The following HTR4 variants were observed in gnomAD, a reference collection of about 807,000 sequenced individuals.
HTR4 encodes the protein 5-hydroxytryptamine receptor 4.
A neutral mutation model predicts 36.8 loss-of-function variants in HTR4; 16 were observed. The ratio of observed to expected loss-of-function variants is 0.43; its 90% CI spans 0.29 to 0.66. The LOEUF (loss-of-function observed/expected upper bound fraction) is 0.66. Ranked by LOEUF, HTR4 falls within the 30% of genes least tolerant of loss-of-function variation. HTR4 has a pLI of 0.13. For missense variants in HTR4, 438 were observed against 490.9 expected (o/e 0.89, Z 1.02); for synonymous variants, 189 against 185.1 (o/e 1.02, Z -0.17).
At chr5:148,637,848 T>C (rs1224266374) in intron 1 of HTR4, among the ~76,000 whole-genome samples, 1 of 152,178 alleles carries the variant, frequency 6.6e-6, no homozygotes. Context: ...TCAGTAAGTG[T>C]AGGGGCAGGG....
chr5:148,520,320 G>A (rs570316237), intron 5 of HTR4, among the ~76,000 whole-genome samples: 31 of 152,110 alleles, frequency 2.0e-4, no homozygotes, highest in Non-Finnish European at 3.5e-4. Flanking sequence ...TTTAAACCGT[G>A]ATTAAAATTA....
At chr5:148,643,108 G>T (rs186361722) in intron 1 of HTR4, among the ~76,000 whole-genome samples, 45 of 152,220 alleles carry the variant, frequency 3.0e-4, no homozygotes, top group African/African-American at 9.4e-4. Context: ...ATCCAATACG[G>T]ACGCCAATTC....
At chr5:148,472,031 T>C (rs1181544516), downstream of HTR4, among the ~76,000 whole-genome samples, 1 of 152,178 alleles carries the variant, frequency 6.6e-6, no homozygotes, top group Non-Finnish European at 1.5e-5. Flanking sequence ...TCACATAGGG[T>C]TCCACTCACC....
chr5:148,610,064 G>C (rs1483601710), intron 2 of HTR4, among the ~76,000 whole-genome samples: 2 of 152,176 alleles, frequency 1.3e-5, no homozygotes, highest in Admixed American at 1.3e-4. Context: ...GGGCATTTCA[G>C]AACAATTCTA....
intron 2 of HTR4, among the ~76,000 whole-genome samples, chr5:148,597,066 C>G (rs1347379208): frequency 6.6e-6 from 1 of 152,158 alleles, no homozygotes; most frequent in Non-Finnish European, 1.5e-5. Context: ...TCTACCCACC[C>G]CCTGAAGCCC....
At chr5:148,515,229 T>C (rs1421811549) in intron 5 of HTR4, among the ~76,000 whole-genome samples, 1 of 152,142 alleles carries the variant, frequency 6.6e-6, no homozygotes, top group Non-Finnish European at 1.5e-5. Flanking sequence ...CTCATTACAG[T>C]CTTTTTCATA....
intron 6 of HTR4, among the ~76,000 whole-genome samples, chr5:148,502,990 T>C (rs980786108): frequency 7.2e-5 from 11 of 152,256 alleles, no homozygotes; most frequent in Middle Eastern, 3.4e-3. Flanking sequence ...TATGGGACTA[T>C]GGGAAAAGAC....
Position 148,482,155 on chromosome 5 carries a change from A to G in HTR4, c.*1048T>C. On this transcript the variant is annotated 3_prime_UTR_variant, in exon 7 of 7. Coordinates refer to ENST00000377888, the MANE Select transcript of HTR4 (RefSeq NM_000870.7). The stretch of plus-strand genomic sequence containing the variant: ...GCTTCAAGTACAGCATTGCCTCGGC[A>G]TCCCCAGTGCTGCTGGATCCTGCCC... The G allele has an allele frequency of 1.0e-6, 1 of 985,866 alleles. No homozygotes were observed. The highest frequency in any genetic ancestry group is 1.2e-6 in the Non-Finnish European group (1 of 830,300). The allele number at this position is 985,866 out of a possible 1,614,324, so 61.1% of individuals were successfully genotyped here. A position where few individuals can be genotyped will look rare whatever the true frequency, so the allele number is the denominator to read the frequency against.
chr5:148,587,256 G>T (rs1439573686), intron 2 of HTR4, among the ~76,000 whole-genome samples: 2 of 152,208 alleles, frequency 1.3e-5, no homozygotes, highest in East Asian at 1.9e-4. Context: ...GTCGCATAGG[G>T]TATCAGAGGT....
At position 148,483,088 on chromosome 5, in the gene HTR4, C is replaced by A. The variant is rs1581360444; in HGVS notation, c.*115G>T. ...AGCGAGCACCGGGTTCCTGCACTGG[C>A]GGACGGAAAGCCTCAGGTGAAGAGA... is the stretch of plus-strand genomic sequence containing the variant. On this transcript the variant is annotated 3_prime_UTR_variant, in exon 7 of 7. Coordinates refer to ENST00000377888, the MANE Select transcript of HTR4 (RefSeq NM_000870.7). The A allele has an allele frequency of 6.6e-7, 1 of 1,520,774 alleles. No homozygotes were observed. The highest frequency in any genetic ancestry group is 8.9e-7 in the Non-Finnish European group (1 of 1,129,256). 94.2% of individuals were successfully genotyped at this position (1,520,774 alleles called of 1,614,324 possible). A position where few individuals can be genotyped will look rare whatever the true frequency, so the allele number is the denominator to read the frequency against.
chr5:148,529,750 G>A lies in HTR4; in HGVS notation c.354-6404C>T, dbSNP rs549356474. On this transcript the variant is annotated intron_variant, in intron 4 of 6. Transcript: ENST00000377888. ...GTATGGAGGACTCAGAAGAAGACAG[G>A]AAGATGTGAGAAAGTTTGGAACTTT... Among the ~76,000 whole-genome samples the A allele has an allele frequency of 2.6e-5, 4 of 152,326 alleles. No individual in the cohort carries two copies. The South Asian group carries it at 8.3e-4, about 32-fold the overall frequency.
intron 5 of HTR4, among the ~76,000 whole-genome samples, chr5:148,519,587 A>G (rs978444282): frequency 6.6e-6 from 1 of 152,160 alleles, no homozygotes; most frequent in Non-Finnish European, 1.5e-5. Context: ...ACTCATTAGA[A>G]TTTATTTGTA....
chr5:148,590,287 CTTTTTTTTTTTTTTTT>C (rs779077579), intron 2 of HTR4, among the ~76,000 whole-genome samples: 1 of 33,320 alleles, frequency 3.0e-5, no homozygotes, highest in South Asian at 1.5e-3. Flanking sequence ...TTTTTCTTTT[CTTTTTTTTTTTTTTTT>C]TTTTTTTTTT....
intron 4 of HTR4, among the ~76,000 whole-genome samples, chr5:148,524,379 C>T (rs1362825890): frequency 6.6e-6 from 1 of 152,166 alleles, no homozygotes; most frequent in Non-Finnish European, 1.5e-5. Context: ...CCATCATTTC[C>T]TGTCTACTGG....
intron 6 of HTR4, among the ~76,000 whole-genome samples, chr5:148,508,561 C>T (rs1490858014): frequency 6.6e-6 from 1 of 152,112 alleles, no homozygotes; most frequent in African/African-American, 2.4e-5. Flanking sequence ...AATGGCTTCC[C>T]TGCCTTCTCC....
intron 2 of HTR4, among the ~76,000 whole-genome samples, chr5:148,623,416 A>C (rs765271813): frequency 3.3e-5 from 5 of 152,246 alleles, no homozygotes; most frequent in Non-Finnish European, 5.9e-5. Flanking sequence ...TGGACAAATG[A>C]AATACTCGGA....
chr5:148,600,464 C>T (rs1157484522), intron 2 of HTR4, among the ~76,000 whole-genome samples: 2 of 149,882 alleles, frequency 1.3e-5, no homozygotes, highest in Non-Finnish European at 3.0e-5. Context: ...ATGTAGAAAA[C>T]CCTAAATACT....
chr5:148,607,291 T>C (rs1752212351), intron 2 of HTR4, among the ~76,000 whole-genome samples: 1 of 152,132 alleles, frequency 6.6e-6, no homozygotes, highest in Non-Finnish European at 1.5e-5. Context: ...GGGAAAAATG[T>C]AGTGGGCACA....
chr5:148,541,922 T>C (rs944874399), intron 4 of HTR4, among the ~76,000 whole-genome samples: 5 of 152,024 alleles, frequency 3.3e-5, no homozygotes, highest in African/African-American at 1.2e-4. Context: ...GAGCCTACCC[T>C]GCTTTGGAGA....
Sources: allele counts gnomAD v4.1 joint callset (sites outside exome capture counted in the v4.1 genomes callset), GRCh38; gene constraint gnomAD v4.1.1; transcripts MANE v1.5; gene names NCBI Gene and HGNC (gene_info 2026-07-23, HGNC 2026-07-21).